C12orf42: variants seen among roughly 807,000 people sequenced by gnomAD.
C12orf42 encodes the protein uncharacterized protein C12orf42.
A neutral mutation model predicts 21.6 loss-of-function variants in C12orf42; 25 were observed. That is an observed-to-expected ratio of 1.16 (90% CI 0.84 to 1.62). The LOEUF is 1.62. Among genes scored for constraint, C12orf42 ranks in the 40% most tolerant of loss-of-function variants. The pLI is 0.00. For missense variants in C12orf42, 483 were observed against 459.3 expected, an observed-to-expected ratio of 1.05 and a Z score of -0.47; for synonymous variants, 174 against 175.0, an observed-to-expected ratio of 0.99 and a Z score of 0.05.
At chr12:103,319,258 C>T (rs1467105437) in intron 4 of C12orf42, among the ~76,000 whole-genome samples, 1 of 152,196 alleles carries the variant, frequency 6.6e-6, no homozygotes, top group Admixed American at 6.5e-5. Flanking sequence ...GTTTTCCCCT[C>T]ATGCTAGAGA....
At chr12:103,440,468 A>AAAG (rs1464952021) in intron 2 of C12orf42, among the ~76,000 whole-genome samples, 1 of 145,874 alleles carries the variant, frequency 6.9e-6, no homozygotes, top group East Asian at 2.0e-4. Flanking sequence ...AAAAAAAAAA[A>AAAG]AAAAAAAAAA....
chr12:103,306,094 C>A lies in C12orf42; in HGVS notation c.511G>T (p.Val171Phe), dbSNP rs1234932333. 6.2e-7 allele frequency: 1 copy of A among 1,613,968 alleles called. No individual in the cohort carries two copies. Among genetic ancestry groups the A allele is most frequent in the Non-Finnish European group, 8.5e-7 (1 of 1,179,842 alleles). ...GAGTGTGCCCAGTTAGGCTTTTTAACCAGTTGTTCCAAAAATGAACTGTTC... is the reference window on the plus strand; with the variant it reads ...GAGTGTGCCCAGTTAGGCTTTTTAAACAGTTGTTCCAAAAATGAACTGTTC... Reference protein sequence around the residue: ...AWNSSFLEQLVKKPNWAHSVN... With the variant: ...AWNSSFLEQLFKKPNWAHSVN... Residue 171 changes from valine (V) to phenylalanine (F), a missense_variant, in exon 5 of 6, where the codon GTT (valine) becomes TTT (phenylalanine). Physicochemically the swap from Val to Phe is conservative, Grantham distance 50. Coordinates refer to ENST00000548883, the MANE Select transcript of C12orf42 (RefSeq NM_198521.5).
the C12orf42 span, among the ~76,000 whole-genome samples, chr12:103,069,363 C>T: frequency 7.2e-5 from 11 of 151,932 alleles, no homozygotes; most frequent in East Asian, 7.7e-4. Flanking sequence ...GTATATAATA[C>T]GTTAAAATTA....
chr12:103,386,828 C>A (rs1291542403), intron 3 of C12orf42, among the ~76,000 whole-genome samples: 1 of 152,164 alleles, frequency 6.6e-6, no homozygotes, highest in East Asian at 1.9e-4. Flanking sequence ...ATCCTCAGGA[C>A]CAGACAGGCT....
chr12:103,488,531 T>C (rs924546673), intron 1 of C12orf42, among the ~76,000 whole-genome samples: 1 of 152,226 alleles, frequency 6.6e-6, no homozygotes. Context: ...TCCTGAACAA[T>C]ATCCTGAAGA....
At chr12:103,186,710 G>C in the C12orf42 span, among the ~76,000 whole-genome samples, 2 of 152,056 alleles carry the variant, frequency 1.3e-5, no homozygotes, top group African/African-American at 4.8e-5. Context: ...AAAATACAAG[G>C]TTCAAGTGGG....
At chr12:103,201,794 G>T in the C12orf42 span, among the ~76,000 whole-genome samples, 2 of 152,218 alleles carry the variant, frequency 1.3e-5, no homozygotes, top group African/African-American at 4.8e-5. Flanking sequence ...GGCCAAATGC[G>T]TTGATGTTGT....
chr12:103,518,889 G>A, the C12orf42 span, among the ~76,000 whole-genome samples: 3 of 152,226 alleles, frequency 2.0e-5, no homozygotes, highest in African/African-American at 7.2e-5. Context: ...ATCTGGATCT[G>A]AACCTAAATC....
At chr12:103,472,620 A>G (rs1376817468) in intron 2 of C12orf42, among the ~76,000 whole-genome samples, 2 of 152,208 alleles carry the variant, frequency 1.3e-5, no homozygotes, top group East Asian at 3.9e-4. Context: ...AGAGCATGAG[A>G]AAATTAGCTG....
At chr12:103,266,187 T>C (rs183591669), downstream of C12orf42, among the ~76,000 whole-genome samples, 4 of 152,274 alleles carry the variant, frequency 2.6e-5, no homozygotes, top group East Asian at 7.7e-4. Flanking sequence ...CAAATTTTGA[T>C]AGTCAAACTA....
intron 3 of C12orf42, among the ~76,000 whole-genome samples, chr12:103,377,070 C>T (rs1357503050): frequency 6.6e-6 from 1 of 152,016 alleles, no homozygotes; most frequent in Admixed American, 6.6e-5. Flanking sequence ...GTTGCTGTCA[C>T]TTTTTAAAAT....
chr12:103,507,171 ATTTATATTATATATAATAT>A, the C12orf42 span, among the ~76,000 whole-genome samples: 557 of 24,736 alleles, frequency 0.023, 69 homozygotes, highest in African/African-American at 0.11. Context: ...TATAATATAT[ATTTATATTATATATAATAT>A]ATATATATTT....
At chr12:103,156,936 T>C in the C12orf42 span, among the ~76,000 whole-genome samples, 32 of 152,282 alleles carry the variant, frequency 2.1e-4, 2 homozygotes, top group South Asian at 6.6e-3. Context: ...AGTAAACATA[T>C]ATGTGCATGT....
chr12:103,552,963 T>C, the C12orf42 span, among the ~76,000 whole-genome samples: 1 of 152,118 alleles, frequency 6.6e-6, no homozygotes, highest in South Asian at 2.1e-4. Context: ...TCACTCACTA[T>C]CATGAGAACA....
chr12:103,068,877 A>C, the C12orf42 span, among the ~76,000 whole-genome samples: 37,126 of 128,400 alleles, frequency 0.29, 7,195 homozygotes, highest in East Asian at 0.55. Context: ...TCCTCTCTCT[A>C]TATATATATA....
At chr12:103,401,814 A>G in intron 2 of C12orf42, 139 bp from the exon 3 acceptor site, 1 of 767,314 alleles carries the variant, frequency 1.3e-6, no homozygotes, top group Non-Finnish European at 2.1e-6. Flanking sequence ...AGTACCCGAT[A>G]TTGCCCACAA....
chr12:103,170,924 C>A, the C12orf42 span, among the ~76,000 whole-genome samples: 1 of 152,102 alleles, frequency 6.6e-6, no homozygotes, highest in African/African-American at 2.4e-5. Context: ...AGAGAAGTGA[C>A]TTTTTGAGGT....
chr12:103,321,027 T>C (rs2040040073), intron 4 of C12orf42, among the ~76,000 whole-genome samples: 1 of 152,226 alleles, frequency 6.6e-6, no homozygotes, highest in Non-Finnish European at 1.5e-5. Context: ...TTAATACATA[T>C]AAATAACAAT....
the C12orf42 span, among the ~76,000 whole-genome samples, chr12:103,138,864 A>G: frequency 6.6e-6 from 1 of 152,140 alleles, no homozygotes; most frequent in African/African-American, 2.4e-5. Flanking sequence ...TTCAAGATTC[A>G]TCTCAAAATC....
Sources: allele counts gnomAD v4.1 joint callset (sites outside exome capture counted in the v4.1 genomes callset), GRCh38; gene constraint gnomAD v4.1.1; transcripts MANE v1.5; gene names NCBI Gene and HGNC (gene_info 2026-07-23, HGNC 2026-07-21).